POT1: variants seen among roughly 807,000 people sequenced by gnomAD.
POT1 encodes the protein protection of telomeres protein 1.
Under a neutral mutation model 78.5 loss-of-function variants are expected in POT1, and 47 were observed. The ratio of observed to expected loss-of-function variants is 0.60; its 90% CI spans 0.47 to 0.76. The LOEUF is 0.76. Among genes scored for constraint, POT1 ranks in the 30% least tolerant of loss-of-function variants. POT1 has a pLI of 0.00. For missense variants in POT1, 646 were observed against 749.9 expected (o/e 0.86, Z 1.62); for synonymous variants, 259 against 260.7 (o/e 0.99, Z 0.06).
chr7:124,887,375 C>T (rs548499761), intron 6 of POT1, among the ~76,000 whole-genome samples: 25 of 152,056 alleles, frequency 1.6e-4, no homozygotes, highest in Non-Finnish European at 2.4e-4. Flanking sequence ...AACTTATCTC[C>T]GTATTTAATA....
intron 11 of POT1, 99 bp downstream of exon 11, chr7:124,851,773 T>C (rs377275076): frequency 7.2e-5 from 64 of 883,922 alleles, no homozygotes; most frequent in African/African-American, 6.9e-4. Context: ...ATGAAATTAT[T>C]AATAAGAGAG....
At chr7:124,850,806 C>T (rs114716281) in intron 11 of POT1, among the ~76,000 whole-genome samples, 2,591 of 151,448 alleles carry the variant, frequency 0.017, 72 homozygotes, top group African/African-American at 0.059. Context: ...ACATGCCTAC[C>T]AAGAAATGTG....
rs1327348979 is a variant in POT1 at position 124,915,590 on chromosome 7, C to A, written c.-170G>T. 1 of 151,690 alleles carries A rather than the reference C, an allele frequency of 6.6e-6. No individual in the cohort carries two copies. The highest frequency in any genetic ancestry group is 1.5e-5 in the Non-Finnish European group (1 of 67,940). 9.4% of individuals were successfully genotyped at this position (151,690 alleles called of 1,614,324 possible). A position where few individuals can be genotyped will look rare whatever the true frequency, so the allele number is the denominator to read the frequency against. On this transcript the variant is annotated 5_prime_UTR_variant, in exon 3 of 19. Coordinates refer to ENST00000357628, the MANE Select transcript of POT1 (RefSeq NM_015450.3). ...ACTATATACCTTGTAGTCCAATCTG[C>A]AAAACAGCTGTTTTATTTCCACGAT...
intron 14 of POT1, among the ~76,000 whole-genome samples, chr7:124,840,352 C>A (rs557810824): frequency 1.3e-3 from 192 of 151,386 alleles, no homozygotes; most frequent in Middle Eastern, 3.4e-3. Context: ...GAAAAGGTTT[C>A]AAGGGAAGGA....
chr7:124,910,140 T>C (rs577834400), intron 3 of POT1, among the ~76,000 whole-genome samples: 5 of 151,928 alleles, frequency 3.3e-5, no homozygotes, highest in Non-Finnish European at 7.4e-5. Flanking sequence ...CAGTGTTTTT[T>C]ACCTGAAGAA....
At chr7:124,829,106 AAAT>A (rs1794699404) in intron 16 of POT1, 145 bp downstream of exon 16, 1 of 770,342 alleles carries the variant, frequency 1.3e-6, no homozygotes, top group Non-Finnish European at 2.4e-6. Flanking sequence ...AGATATCTTT[AAAT>A]TTACAAAGTC....
rs760889677 is a variant in POT1, at chr7:124,863,455, A to T, written c.441T>A (p.Ser147=). The T allele has an allele frequency of 1.2e-6, 2 of 1,614,018 alleles. No individual in the cohort carries two copies. Among genetic ancestry groups the T allele is most frequent in the Non-Finnish European group, 1.7e-6 (2 of 1,179,898 alleles). Residue 147 remains serine (S), a synonymous_variant, in exon 8 of 19, where the codon TCT becomes TCA. Coordinates refer to ENST00000357628, the MANE Select transcript of POT1 (RefSeq NM_015450.3). Reference sequence around the variant, plus strand: ...CATCACACAATTTTAGTAATGTCCAAGACGGTGACATATGAGTAGATGCCC... The same window carrying T: ...CATCACACAATTTTAGTAATGTCCATGACGGTGACATATGAGTAGATGCCC... ...RVWASTHMSP[S]WTLLKLCDVQ... is the part of the protein sequence containing the mutation.
chr7:124,830,086 T>C (rs2116425020), intron 15 of POT1, among the ~76,000 whole-genome samples: 1 of 152,274 alleles, frequency 6.6e-6, no homozygotes, highest in Non-Finnish European at 1.5e-5. Flanking sequence ...TGCAAGATTC[T>C]AGATAATTAA....
intron 3 of POT1, among the ~76,000 whole-genome samples, chr7:124,907,898 C>A (rs1438593872): frequency 6.6e-6 from 1 of 151,944 alleles, no homozygotes; most frequent in Admixed American, 6.6e-5. Flanking sequence ...TGCATATTAA[C>A]AAATATGGTT....
intron 12 of POT1, among the ~76,000 whole-genome samples, chr7:124,844,521 G>A (rs1795115299): frequency 6.7e-6 from 1 of 149,966 alleles, no homozygotes; most frequent in Non-Finnish European, 1.5e-5. Context: ...TAGATCACGA[G>A]GTCAAGAGAG....
At chr7:124,846,801 A>C in intron 12 of POT1, 141 bp downstream of exon 12, 3 of 558,028 alleles carry the variant, frequency 5.4e-6, no homozygotes, top group Non-Finnish European at 9.2e-6. Context: ...CGGTAGAAGA[A>C]GAAAGTTAAA....
intron 6 of POT1, among the ~76,000 whole-genome samples, chr7:124,873,500 C>T (rs990705174): frequency 1.3e-5 from 2 of 152,122 alleles, no homozygotes; most frequent in African/African-American, 4.8e-5. Flanking sequence ...ATTTGGTTTG[C>T]TAGTATTCTG....
At chr7:124,824,760 T>C (rs1794588829) in intron 18 of POT1, among the ~76,000 whole-genome samples, 4 of 152,044 alleles carry the variant, frequency 2.6e-5, no homozygotes, top group Non-Finnish European at 1.5e-5. Flanking sequence ...GCAGTACAAT[T>C]TGAAATGAGG....
Position 124,829,732 on chromosome 7 carries a change from A to ATATCTATATC in POT1, c.1506-391_1506-390insGATATAGATA, listed in dbSNP as rs1378300353. On this transcript the variant is annotated intron_variant, in intron 15 of 18. Transcript: ENST00000357628. ...TCTATATCTATATCTATATCTATAT[A>ATATCTATATC]TATATATTTTTTAAGACAAGGTCTC... Among the ~76,000 whole-genome samples, 676 of 117,026 alleles carry ATATCTATATC rather than the reference A, an allele frequency of 5.8e-3. 8 individuals carry two copies. Among genetic ancestry groups the ATATCTATATC allele is most frequent in the African/African-American group, 0.02 (612 of 30,996 alleles). 76.8% of individuals were successfully genotyped at this position (117,026 alleles called of 152,430 possible).
chr7:124,832,252 CAAAAAAAAAA>C (rs372881075), intron 15 of POT1, among the ~76,000 whole-genome samples: 1 of 75,646 alleles, frequency 1.3e-5, no homozygotes, highest in African/African-American at 5.8e-5. Flanking sequence ...ACACTGTCTC[CAAAAAAAAAA>C]AAAAAAAAAA....
At chr7:124,916,276 T>TA (rs1442649888) in intron 2 of POT1, among the ~76,000 whole-genome samples, 7 of 152,152 alleles carry the variant, frequency 4.6e-5, no homozygotes, top group African/African-American at 1.7e-4. Flanking sequence ...ATTTTACTTA[T>TA]AAAATAGGAC....
intron 6 of POT1, among the ~76,000 whole-genome samples, chr7:124,872,037 C>G (rs1795883135): frequency 6.6e-6 from 1 of 152,128 alleles, no homozygotes; most frequent in African/African-American, 2.4e-5. Flanking sequence ...CATAACCACA[C>G]AGACCCCTGG....
intron 15 of POT1, among the ~76,000 whole-genome samples, chr7:124,831,806 G>C (rs1794764535): frequency 6.6e-6 from 1 of 151,690 alleles, no homozygotes; most frequent in Non-Finnish European, 1.5e-5. Context: ...GTACGAAACA[G>C]TTTATATAAA....
intron 7 of POT1, among the ~76,000 whole-genome samples, chr7:124,866,949 G>A (rs56313563): frequency 0.22 from 32,939 of 152,062 alleles, 3,990 homozygotes; most frequent in East Asian, 0.3. Context: ...TGTATATGCT[G>A]CTTCTCTTTT....
Sources: allele counts gnomAD v4.1 joint callset (sites outside exome capture counted in the v4.1 genomes callset), GRCh38; gene constraint gnomAD v4.1.1; transcripts MANE v1.5; gene names NCBI Gene and HGNC (gene_info 2026-07-23, HGNC 2026-07-21).